The following HIF3A variants were observed in gnomAD, a reference collection of about 807,000 sequenced individuals.
The protein encoded by HIF3A is hypoxia-inducible factor 3-alpha.
A neutral mutation model predicts 67.2 loss-of-function variants in HIF3A; 41 were observed. That is an observed-to-expected ratio of 0.61 (90% CI 0.48 to 0.79). The LOEUF is 0.79. Ranked by LOEUF, HIF3A falls within the 30% of genes least tolerant of loss-of-function variation. The pLI is 0.00. For missense variants in HIF3A, 855 were observed against 898.0 expected, an observed-to-expected ratio of 0.95 and a Z score of 0.61; for synonymous variants, 356 against 374.8, an observed-to-expected ratio of 0.95 and a Z score of 0.58.
chr19:46,308,199 C>T, intron 3 of HIF3A, 22 bp from the exon 4 acceptor site: 2 of 1,552,350 alleles, frequency 1.3e-6, no homozygotes, highest in East Asian at 4.5e-5. Context: ...TGGTAGACCC[C>T]CACCCCTCTC....
chr19:46,298,620 C>G, intron 1 of HIF3A: 1 of 858,604 alleles, frequency 1.2e-6, no homozygotes, highest in Non-Finnish European at 1.6e-6. Flanking sequence ...CTGGTGGGTA[C>G]GGCTTGCAGC....
chr19:46,326,733 G>C (rs531240337), intron 11 of HIF3A, among the ~76,000 whole-genome samples: 1 of 152,242 alleles, frequency 6.6e-6, no homozygotes, highest in African/African-American at 2.4e-5. Context: ...AATATACAGT[G>C]GTGAGACAGG....
chr19:46,302,840 CT>C (rs1319409654), intron 1 of HIF3A, among the ~76,000 whole-genome samples: 2 of 152,078 alleles, frequency 1.3e-5, no homozygotes, highest in South Asian at 2.1e-4. Flanking sequence ...TGCCATTGCA[CT>C]CCAGCCTGGG....
intron 8 of HIF3A, 178 bp downstream of exon 8, chr19:46,312,831 G>T (rs1008703607): frequency 6.6e-4 from 879 of 1,322,136 alleles, no homozygotes; most frequent in Non-Finnish European, 7.1e-4. Flanking sequence ...GTAAATGCCG[G>T]TGTGTGTGTC....
rs2147286073 is a variant in HIF3A at position 46,331,274 on chromosome 19, G to T, written c.1830+1G>T. On this transcript the variant is annotated splice_donor_variant, in intron 13 of 14. Coordinates refer to ENST00000377670, the MANE Select transcript of HIF3A (RefSeq NM_152795.4). LOFTEE classifies it high-confidence loss of function. Reference sequence around the variant, plus strand: ...CTTTCTGCTCTTTCCTCTCAGCCTGGTGTGTTGGGGGATTAATGGGATTCT... The same window carrying T: ...CTTTCTGCTCTTTCCTCTCAGCCTGTTGTGTTGGGGGATTAATGGGATTCT... The T allele has an allele frequency of 1.2e-6, 2 of 1,609,954 alleles. No homozygotes were observed. The highest frequency in any genetic ancestry group is 2.2e-5 in the South Asian group (2 of 90,970).
At chr19:46,320,700 A>T (rs1429162066) in intron 9 of HIF3A, 139 bp downstream of exon 9, 5 of 637,948 alleles carry the variant, frequency 7.8e-6, no homozygotes, top group Non-Finnish European at 1.1e-5. Context: ...CCTCCAAAAC[A>T]CACAGCCTCC....
chr19:46,319,711 ATATT>A (rs1970207705), intron 8 of HIF3A, among the ~76,000 whole-genome samples: 1 of 152,276 alleles, frequency 6.6e-6, no homozygotes, highest in South Asian at 2.1e-4. Context: ...TATAAAGAGA[ATATT>A]TAGTTATTCT....
At chr19:46,310,754 TTTG>T (rs1310079432) in intron 6 of HIF3A, 45 of 340,274 alleles carry the variant, frequency 1.3e-4, no homozygotes, top group Middle Eastern at 4.0e-4. Flanking sequence ...ATCATTACTT[TTTG>T]TTGTTGTTGT....
At chr19:46,303,733 C>T in intron 1 of HIF3A, 165 bp from the exon 2 acceptor site, 1 of 1,541,518 alleles carries the variant, frequency 6.5e-7, no homozygotes, top group Non-Finnish European at 8.8e-7. Context: ...CCCTTCCAGG[C>T]CCAGGGAGCG....
At chr19:46,329,608 GC>G in intron 12 of HIF3A, 130 bp downstream of exon 12, 1 of 1,159,198 alleles carries the variant, frequency 8.6e-7, no homozygotes, top group Non-Finnish European at 1.1e-6. Context: ...CCCTCGGTGG[GC>G]CCAGCACATG....
At position 46,312,210 on chromosome 19, in the gene HIF3A, G is replaced by A. The variant is rs753034506; in HGVS notation, c.820G>A (p.Ala274Thr). ...YSPDDLIGCS[A>T]YEYIHALDSD... ...TCCCGATGACCTGATCGGCTGTTCC[G>A]CCTACGAGTACATCCACGCGCTGGA... Residue 274 changes from alanine (A) to threonine (T), a missense_variant, in exon 7 of 15, where the codon GCC becomes ACC. Physicochemically the swap from Ala to Thr is moderately conservative, Grantham distance 58. Coordinates refer to ENST00000377670, the MANE Select transcript of HIF3A (RefSeq NM_152795.4). The A allele has an allele frequency of 6.2e-6, 10 of 1,613,708 alleles. No individual in the cohort carries two copies. Among genetic ancestry groups the A allele is most frequent in the South Asian group, 5.5e-5 (5 of 91,072 alleles).
At chr19:46,316,802 C>CA (rs35910734) in intron 8 of HIF3A, among the ~76,000 whole-genome samples, 75,806 of 120,116 alleles carry the variant, frequency 0.63, 22,827 homozygotes, top group Non-Finnish European at 0.71. Flanking sequence ...GACTCCATCT[C>CA]AAAAAAAAAA....
chr19:46,317,172 C>T (rs1329755586), intron 8 of HIF3A, among the ~76,000 whole-genome samples: 1 of 152,030 alleles, frequency 6.6e-6, no homozygotes, highest in Non-Finnish European at 1.5e-5. Flanking sequence ...CCACCCGCCT[C>T]GGCTTCCCAA....
At chr19:46,332,571 C>CT (rs1288245375) in intron 13 of HIF3A, among the ~76,000 whole-genome samples, 1 of 152,172 alleles carries the variant, frequency 6.6e-6, no homozygotes, top group Admixed American at 6.6e-5. Flanking sequence ...CCAGCCTGGA[C>CT]TATGTCACTT....
Position 46,297,177 on chromosome 19 carries a change from G to C in HIF3A, c.26+75G>C, listed in dbSNP as rs902980934. ...TGGAGACCCCTGAGCTGGATTGTTG[G>C]GGGGGGTGGGGTTCGCGGGTGCGAG... On this transcript the variant is annotated intron_variant, in intron 1 of 14. Coordinates refer to ENST00000377670, the MANE Select transcript of HIF3A (RefSeq NM_152795.4). This position sits in a 1 kb window ranked among gnomAD's most constrained non-coding sequence, Gnocchi z 4.5. 5.4e-5 allele frequency: 40 copies of C among 734,484 alleles called. No individual in the cohort carries two copies. The highest frequency in any genetic ancestry group is 2.7e-4 in the Admixed American group (8 of 29,772). The allele number at this position is 734,484 out of a possible 1,614,324, so 45.5% of individuals were successfully genotyped here.
intron 14 of HIF3A, chr19:46,338,406 T>C: frequency 4.8e-6 from 2 of 417,492 alleles, no homozygotes; most frequent in Non-Finnish European, 8.6e-6. Flanking sequence ...TTTCACCATG[T>C]TGCCCAGGCT....
rs1048322495 is a variant in HIF3A, at chr19:46,314,778, C to T, written c.1025+2125C>T. 7.5e-5 allele frequency among the ~76,000 whole-genome samples: 11 copies of T among 146,334 alleles called. 1 individual carries two copies. Among genetic ancestry groups the T allele is most frequent in the African/African-American group, 2.0e-4 (8 of 40,348 alleles). Reference sequence around the variant, plus strand: ...TTCACCATGTTGGCCAGGCTGGTCTCGAACTCCTGACCTCAGGTGATCCAC... The same window carrying T: ...TTCACCATGTTGGCCAGGCTGGTCTTGAACTCCTGACCTCAGGTGATCCAC... On this transcript the variant is annotated intron_variant, in intron 8 of 14. Transcript: ENST00000377670.
At chr19:46,337,155 A>ACCT (rs139793298) in intron 14 of HIF3A, among the ~76,000 whole-genome samples, 1 of 152,232 alleles carries the variant, frequency 6.6e-6, no homozygotes, top group African/African-American at 2.4e-5. Context: ...CTGAGCAAAG[A>ACCT]CCTGGAGTGA....
At chr19:46,312,064 G>A (rs763770909) in intron 6 of HIF3A, 97 bp from the exon 7 acceptor site, 3 of 873,842 alleles carry the variant, frequency 3.4e-6, no homozygotes, top group African/African-American at 3.3e-5. Context: ...ACATCTTGCT[G>A]GCTTTGTTCC....
Sources: allele counts gnomAD v4.1 joint callset (sites outside exome capture counted in the v4.1 genomes callset), GRCh38; gene constraint gnomAD v4.1.1; non-coding constraint Gnocchi (gnomAD v3.1); transcripts MANE v1.5; gene names NCBI Gene and HGNC (gene_info 2026-07-23, HGNC 2026-07-21).